CNTN3: variants seen among roughly 807,000 people sequenced by gnomAD.
CNTN3 encodes contactin-3.
A neutral mutation model predicts 119.1 loss-of-function variants in CNTN3; 60 were observed. The observed-to-expected ratio is 0.50, with a 90% CI of 0.41 to 0.62. The LOEUF (loss-of-function observed/expected upper bound fraction) is 0.62, where lower values mean the gene tolerates loss of function less well. Ranked by LOEUF, CNTN3 falls within the 20% of genes least tolerant of loss-of-function variation. CNTN3 has a pLI of 0.00. For missense variants in CNTN3, 1,101 were observed against 1,242.4 expected, an observed-to-expected ratio of 0.89 and a Z score of 1.71; for synonymous variants, 450 against 438.7, an observed-to-expected ratio of 1.03 and a Z score of -0.32.
intron 1 of CNTN3, among the ~76,000 whole-genome samples, chr3:74,589,250 C>A (rs1296938536): frequency 4.5e-4 from 69 of 151,984 alleles, no homozygotes; most frequent in African/African-American, 1.4e-3. Flanking sequence ...GAACTCAAAC[C>A]AATTTACAAG....
At chr3:74,547,820 G>A (rs11715642) in intron 1 of CNTN3, among the ~76,000 whole-genome samples, 1 of 152,036 alleles carries the variant, frequency 6.6e-6, no homozygotes, top group Non-Finnish European at 1.5e-5. Context: ...GTTTTACTTA[G>A]AAAGTATGCC....
At chr3:74,274,648 G>A (rs1701845985) in intron 20 of CNTN3, among the ~76,000 whole-genome samples, 1 of 151,982 alleles carries the variant, frequency 6.6e-6, no homozygotes, top group South Asian at 2.1e-4. Context: ...AAAAGAATCT[G>A]AACAACAGCC....
chr3:74,556,301 C>T (rs2107168052), intron 1 of CNTN3, among the ~76,000 whole-genome samples: 1 of 152,218 alleles, frequency 6.6e-6, no homozygotes, highest in East Asian at 1.9e-4. Context: ...TAGCAGGCTC[C>T]CCTCTTCTCT....
At chr3:74,269,193 A>T (rs1469499523) in intron 20 of CNTN3, among the ~76,000 whole-genome samples, 1 of 152,126 alleles carries the variant, frequency 6.6e-6, no homozygotes. Context: ...AACTTGGTTT[A>T]AGAAAAATTA....
intron 21 of CNTN3, 85 bp from the exon 22 acceptor site, chr3:74,266,734 AT>A (rs1168762151): frequency 8.0e-7 from 1 of 1,244,760 alleles, no homozygotes; most frequent in African/African-American, 1.5e-5. Context: ...AAATTAACTA[AT>A]TTTGTCCTTC....
At chr3:74,288,715 A>G (rs1282948881) in intron 19 of CNTN3, among the ~76,000 whole-genome samples, 1 of 152,164 alleles carries the variant, frequency 6.6e-6, no homozygotes, top group Admixed American at 6.5e-5. Context: ...AAAACAGAGA[A>G]GGACTTTAAA....
Position 74,461,604 on chromosome 3 carries a change from G to A in CNTN3, c.358+24852C>T, listed in dbSNP as rs72900350. Among the ~76,000 whole-genome samples the A allele has an allele frequency of 5.9e-3, 903 of 152,094 alleles. 13 individuals are homozygous for A. Among genetic ancestry groups the A allele is most frequent in the African/African-American group, 0.021 (852 of 41,524 alleles). ...AATTGATAAGTAGGTTCATGCATTT[G>A]TTTCCCAAACTAGATCCATTGACAT... On this transcript the variant is annotated intron_variant, in intron 4 of 22. Transcript: ENST00000263665.
At position 74,424,837 on chromosome 3, in the gene CNTN3, T is replaced by A. The variant is rs956927342; in HGVS notation, c.454+8A>T. 1 of 1,612,292 alleles carries A rather than the reference T, an allele frequency of 6.2e-7. No homozygotes were observed. Among genetic ancestry groups the A allele is most frequent in the Non-Finnish European group, 8.5e-7 (1 of 1,178,586 alleles). ...AAATATGAAAAGCAGAAACAGAGCA[T>A]GACTTACCTCCAGAGTGTGGTGGGG... On this transcript the variant is annotated splice_region_variant and intron_variant, in intron 5 of 22. Coordinates refer to ENST00000263665, the MANE Select transcript of CNTN3 (RefSeq NM_020872.3).
rs1350655738 is a variant in CNTN3 at position 74,487,256 on chromosome 3, G to T, written c.183-625C>A. ...CATATTTATCAACGAGAAGCCTAAA[G>T]ATAAATGAAGAGAGAAGCTGGTTTT... On this transcript the variant is annotated intron_variant, in intron 3 of 22. Coordinates refer to ENST00000263665, the MANE Select transcript of CNTN3 (RefSeq NM_020872.3). 5.3e-5 allele frequency among the ~76,000 whole-genome samples: 8 copies of T among 152,256 alleles called. No homozygotes were observed. The East Asian group carries it at 1.5e-3, about 29-fold the overall frequency.
intron 5 of CNTN3, among the ~76,000 whole-genome samples, chr3:74,418,973 T>A (rs1189369880): frequency 3.3e-5 from 5 of 151,408 alleles, no homozygotes; most frequent in Non-Finnish European, 5.9e-5. Flanking sequence ...TTTTTTTGTA[T>A]TTTAGTAGCG....
chr3:74,443,826 G>A (rs917377940), intron 4 of CNTN3, among the ~76,000 whole-genome samples: 1 of 152,170 alleles, frequency 6.6e-6, no homozygotes, highest in South Asian at 2.1e-4. Context: ...TCTTGGTCAA[G>A]ACACAATACT....
intron 5 of CNTN3, among the ~76,000 whole-genome samples, chr3:74,418,332 A>G (rs902724731): frequency 4.1e-5 from 5 of 120,860 alleles, no homozygotes; most frequent in Non-Finnish European, 8.6e-5. Context: ...CCACTGCAGA[A>G]AACATATTCC....
chr3:74,582,626 A>C (rs940221501), intron 1 of CNTN3, among the ~76,000 whole-genome samples: 2 of 152,200 alleles, frequency 1.3e-5, no homozygotes, highest in African/African-American at 4.8e-5. Context: ...AATTAAAACC[A>C]CAGTAGGATA....
chr3:74,350,698 A>G (rs1249740805), intron 11 of CNTN3, among the ~76,000 whole-genome samples: 1 of 152,190 alleles, frequency 6.6e-6, no homozygotes, highest in Non-Finnish European at 1.5e-5. Flanking sequence ...GTATTGGATA[A>G]AGAAAATATG....
At chr3:74,503,256 A>G (rs1703196975) in intron 2 of CNTN3, among the ~76,000 whole-genome samples, 1 of 152,156 alleles carries the variant, frequency 6.6e-6, no homozygotes, top group Non-Finnish European at 1.5e-5. Context: ...AAATTAACCA[A>G]CAGCCTGCTT....
At chr3:74,580,599 G>A (rs936182979) in intron 1 of CNTN3, among the ~76,000 whole-genome samples, 1 of 152,138 alleles carries the variant, frequency 6.6e-6, no homozygotes, top group Non-Finnish European at 1.5e-5. Context: ...ATACCAATCA[G>A]TGTAAAATGC....
chr3:74,557,225 A>C (rs888608589), intron 1 of CNTN3, among the ~76,000 whole-genome samples: 2 of 152,072 alleles, frequency 1.3e-5, no homozygotes, highest in African/African-American at 4.8e-5. Flanking sequence ...CAAGGTCCTG[A>C]AGATTTATAT....
At chr3:74,385,428 GT>G (rs777399115) in intron 5 of CNTN3, among the ~76,000 whole-genome samples, 76 of 54,510 alleles carry the variant, frequency 1.4e-3, no homozygotes, top group Non-Finnish European at 2.3e-3. Flanking sequence ...ACAAAATACT[GT>G]TTAAGGACAC....
chr3:74,603,589 CAA>C (rs996614396), intron 1 of CNTN3, among the ~76,000 whole-genome samples: 20 of 152,030 alleles, frequency 1.3e-4, no homozygotes, highest in African/African-American at 4.8e-4. Context: ...TATACAACAA[CAA>C]AAAAGATATC....
Sources: gnomAD v4.1 joint callset for allele counts (sites outside exome capture counted in the v4.1 genomes callset) on GRCh38, gnomAD v4.1.1 for gene constraint, MANE v1.5 for transcripts, NCBI Gene and HGNC (gene_info 2026-07-23, HGNC 2026-07-21) for gene names.